Variants in ANKRD36C observed in about 807,000 individuals in gnomAD.
ANKRD36C encodes the protein ankyrin repeat domain 36C.
ANKRD36C carries 61 observed loss-of-function variants against 276.4 expected under a neutral mutation model. That is an observed-to-expected ratio of 0.22 (90% CI 0.18 to 0.27). ANKRD36C has a LOEUF of 0.27. Among genes scored for constraint, ANKRD36C ranks in the 10% least tolerant of loss-of-function variants. The probability of loss-of-function intolerance (pLI) is 1.00; values close to 1 mark genes in which losing one functional copy is unlikely to be tolerated. For synonymous variants in ANKRD36C, 483 were observed against 680.1 expected (o/e 0.71, Z 4.51); for missense variants, 1,447 against 2,032.3 (o/e 0.71, Z 5.54).
chr2:95,889,843 G>A (rs765874921), exon 48 of ANKRD36C: 126 of 1,602,184 alleles, frequency 7.9e-5, no homozygotes, highest in Admixed American at 1.5e-4. Context: ...GGCCATATTC[G>A]GAACAGAATT....
intron 26 of ANKRD36C, 148 bp from the exon 27 acceptor site, chr2:95,927,557 C>T: frequency 2.3e-6 from 3 of 1,333,004 alleles, no homozygotes; most frequent in South Asian, 3.0e-5. Flanking sequence ...GAGACTGGAA[C>T]ACGACAGAAA....
rs1292992905 is a variant in ANKRD36C at position 95,919,303 on chromosome 2, T to C, written c.2246-1261A>G. On this transcript the variant is annotated intron_variant, in intron 34 of 66. Coordinates refer to ENST00000456556, the Ensembl canonical transcript of ANKRD36C. ...ATAATTGCTACATCAGGGGTCTCCT[T>C]AGTTCTCCTTCTACAGTGTCTATAG... is the stretch of plus-strand genomic sequence containing the variant. Among the ~76,000 whole-genome samples the C allele has an allele frequency of 2.2e-5, 3 of 133,530 alleles. 1 individual carries two copies. The highest frequency in any genetic ancestry group is 5.1e-5 in the African/African-American group (2 of 39,516). 87.6% of individuals were successfully genotyped at this position (133,530 alleles called of 152,430 possible). A position where few individuals can be genotyped will look rare whatever the true frequency, so the allele number is the denominator to read the frequency against.
intron 36 of ANKRD36C, 126 bp downstream of exon 38, chr2:95,917,729 G>C: frequency 1.1e-5 from 14 of 1,260,574 alleles, no homozygotes; most frequent in Non-Finnish European, 1.4e-5. Flanking sequence ...AGACTCTCAG[G>C]ACTGCTGGAT....
intron 40 of ANKRD36C, among the ~76,000 whole-genome samples, chr2:95,913,755 G>A (rs1467997379): frequency 2.0e-5 from 3 of 151,380 alleles, no homozygotes; most frequent in East Asian, 2.0e-4. Flanking sequence ...TTGGCAGTAT[G>A]ATCTGAAGTG....
At chr2:95,961,121 C>T (rs1301745669) in intron 8 of ANKRD36C, among the ~76,000 whole-genome samples, 1 of 152,162 alleles carries the variant, frequency 6.6e-6, no homozygotes, top group African/African-American at 2.4e-5. Flanking sequence ...GACAATTGAG[C>T]AGGTACACAA....
intron 44 of ANKRD36C, among the ~76,000 whole-genome samples, chr2:95,896,457 T>C (rs1157748841): frequency 1.3e-5 from 2 of 149,710 alleles, no homozygotes; most frequent in African/African-American, 4.9e-5. Context: ...GTTGGGAGTA[T>C]CGTGTTATTC....
intron 36 of ANKRD36C, among the ~76,000 whole-genome samples, chr2:95,916,521 G>T (rs1677101786): frequency 6.6e-6 from 1 of 151,648 alleles, no homozygotes; most frequent in East Asian, 2.0e-4. Flanking sequence ...GTCAAAACAG[G>T]TGCTACGTGA....
chr2:95,879,472 T>C (rs1419535394), intron 58 of ANKRD36C, among the ~76,000 whole-genome samples: 1 of 150,782 alleles, frequency 6.6e-6, no homozygotes, highest in East Asian at 1.9e-4. Context: ...CACAAAGAAA[T>C]GGTTAACGCT....
At chr2:95,863,336 G>C (rs531645940) in intron 60 of ANKRD36C, among the ~76,000 whole-genome samples, 12 of 152,190 alleles carry the variant, frequency 7.9e-5, no homozygotes, top group Non-Finnish European at 1.6e-4. Context: ...AGAAAGTTAA[G>C]TTATAGTTAA....
intron 34 of ANKRD36C, 48 bp from the exon 35 acceptor site, chr2:95,919,968 A>G: frequency 2.0e-6 from 3 of 1,510,822 alleles, no homozygotes; most frequent in South Asian, 2.3e-5. Flanking sequence ...AATATGATAA[A>G]GTTATCCATA....
chr2:95,986,755 C>G, exon 3 of ANKRD36C: 1 of 1,611,278 alleles, frequency 6.2e-7, no homozygotes, highest in Non-Finnish European at 8.5e-7. Context: ...CTATACCTCG[C>G]TGCATTCTTC....
chr2:95,851,574 C>A, intron 66 of ANKRD36C, 120 bp downstream of exon 86: 2 of 900,340 alleles, frequency 2.2e-6, no homozygotes, highest in Non-Finnish European at 3.4e-6. Context: ...TGCAAATATT[C>A]CAAAATCTGA....
chr2:95,986,894 T>A, exon 3 of ANKRD36C: 1 of 1,612,108 alleles, frequency 6.2e-7, no homozygotes, highest in Non-Finnish European at 8.5e-7. Flanking sequence ...AGCAGAAGAG[T>A]TGCACAAGCC....
chr2:95,858,184 G>C (rs1425867141), intron 61 of ANKRD36C, among the ~76,000 whole-genome samples: 1 of 151,778 alleles, frequency 6.6e-6, no homozygotes, highest in Non-Finnish European at 1.5e-5. Context: ...ATGTTCTCAG[G>C]ACCTCCTGAG....
Position 95,880,573 on chromosome 2 carries a change from A to C in ANKRD36C, c.3396+22T>G, listed in dbSNP as rs1485680851. 3.3e-6 allele frequency: 5 copies of C among 1,534,142 alleles called. No individual in the cohort carries two copies. In the Admixed American group the frequency reaches 9.8e-5, roughly 30 times the overall value. On this transcript the variant is annotated intron_variant, in intron 57 of 66. Transcript: ENST00000456556. The stretch of plus-strand genomic sequence containing the variant: ...TAGGTTATGCAGTTAATAATTAAAA[A>C]TATAAATGTAAGAGTAATTACCTTC...
At position 95,902,947 on chromosome 2, in the gene ANKRD36C, G is replaced by A. The variant is rs1405209973; in HGVS notation, c.2654-3611C>T. The A allele has an allele frequency of 4.8e-4, 763 of 1,587,370 alleles. 18 individuals carry two copies. The highest frequency in any genetic ancestry group is 1.4e-3 in the East Asian group (62 of 44,040). On this transcript the variant is annotated intron_variant, in intron 42 of 66. Transcript: ENST00000456556. ...CTATATTCAAAAGAGAATCTTTCTC[G>A]TCTCTTGTAGCCTGAATGGAATTTG...
At chr2:95,868,971 T>C (rs1476495874) in intron 59 of ANKRD36C, among the ~76,000 whole-genome samples, 1 of 152,290 alleles carries the variant, frequency 6.6e-6, no homozygotes, top group Non-Finnish European at 1.5e-5. Context: ...GTCCTGCATA[T>C]ATAAAGAGGT....
chr2:95,918,980 A>G (rs1677193059), intron 34 of ANKRD36C, among the ~76,000 whole-genome samples: 1 of 130,642 alleles, frequency 7.7e-6, no homozygotes, highest in South Asian at 2.4e-4. Context: ...GGAACAAGGA[A>G]GCCAATGTAT....
chr2:95,931,554 T>C (rs955968683), intron 24 of ANKRD36C, among the ~76,000 whole-genome samples: 1 of 150,414 alleles, frequency 6.6e-6, no homozygotes, highest in African/African-American at 2.4e-5. Flanking sequence ...CTCTGAAATT[T>C]TATTGAATAT....
Sources: allele counts gnomAD v4.1 joint callset (sites outside exome capture counted in the v4.1 genomes callset), GRCh38; gene constraint gnomAD v4.1.1; transcripts MANE v1.5; gene names NCBI Gene and HGNC (gene_info 2026-07-23, HGNC 2026-07-21).